SPOCK1: variants seen among roughly 807,000 people sequenced by gnomAD.
The protein encoded by SPOCK1 is testican-1.
SPOCK1 carries 23 observed loss-of-function variants against 55.3 expected under a neutral mutation model. The observed-to-expected ratio is 0.42, with a 90% CI of 0.30 to 0.59. The LOEUF (loss-of-function observed/expected upper bound fraction) is 0.59. Among genes scored for constraint, SPOCK1 ranks in the 20% least tolerant of loss-of-function variants. The pLI, the probability that SPOCK1 is intolerant of heterozygous loss-of-function variation, is 0.22. For synonymous variants in SPOCK1, 226 were observed against 221.0 expected, an observed-to-expected ratio of 1.02 and a Z score of -0.20; for missense variants, 499 against 552.5, an observed-to-expected ratio of 0.90 and a Z score of 0.97.
At chr5:137,223,856 G>A (rs1316307843) in intron 3 of SPOCK1, among the ~76,000 whole-genome samples, 2 of 152,016 alleles carry the variant, frequency 1.3e-5, no homozygotes, top group Non-Finnish European at 2.9e-5. Flanking sequence ...GGTCATTTGT[G>A]GGCATCAGTT....
At chr5:137,167,749 T>G (rs933877628) in intron 3 of SPOCK1, among the ~76,000 whole-genome samples, 3 of 152,036 alleles carry the variant, frequency 2.0e-5, no homozygotes, top group Admixed American at 6.6e-5. Context: ...AGAAGAAAAC[T>G]GAAAAATTTC....
intron 2 of SPOCK1, among the ~76,000 whole-genome samples, chr5:137,439,006 G>A (rs1248275274): frequency 6.6e-6 from 1 of 152,170 alleles, no homozygotes; most frequent in Non-Finnish European, 1.5e-5. Context: ...TCAGATGCTG[G>A]TTCTACCACC....
At chr5:137,171,140 A>G (rs11741605) in intron 3 of SPOCK1, among the ~76,000 whole-genome samples, 63,007 of 151,864 alleles carry the variant, frequency 0.41, 13,458 homozygotes, top group East Asian at 0.62. Context: ...AAGCATCCTC[A>G]ATGCACCCGA....
chr5:137,393,520 A>C (rs1346872729), intron 2 of SPOCK1, among the ~76,000 whole-genome samples: 1 of 152,230 alleles, frequency 6.6e-6, no homozygotes, highest in African/African-American at 2.4e-5. Flanking sequence ...TGTGTGTTTC[A>C]GTGGCTGGTC....
At position 137,119,934 on chromosome 5, in the gene SPOCK1, A is replaced by T. The variant is rs1286129772; in HGVS notation, c.348-7373T>A. On this transcript the variant is annotated intron_variant, in intron 4 of 10. Transcript: ENST00000394945. ...GATCTGTCCATCTCCTCCTCTCAAC[A>T]TTCCCAAGAGGAAGAAAAGTCAAGG... is the stretch of plus-strand genomic sequence containing the variant. 2.0e-5 allele frequency among the ~76,000 whole-genome samples: 3 copies of T among 152,112 alleles called. No homozygotes were observed. In the East Asian group the frequency reaches 5.8e-4, roughly 29 times the overall value.
chr5:137,333,667 G>A (rs752094015), intron 2 of SPOCK1, among the ~76,000 whole-genome samples: 1 of 152,196 alleles, frequency 6.6e-6, no homozygotes, highest in Non-Finnish European at 1.5e-5. Flanking sequence ...CTCAGGCACT[G>A]GTACTTGGCA....
intron 9 of SPOCK1, among the ~76,000 whole-genome samples, chr5:136,983,629 A>G (rs1750778452): frequency 6.6e-6 from 1 of 152,112 alleles, no homozygotes; most frequent in African/African-American, 2.4e-5. Context: ...CAAAAAAAAA[A>G]AAAAAATGGG....
intron 6 of SPOCK1, among the ~76,000 whole-genome samples, chr5:137,059,963 G>A (rs929359998): frequency 1.3e-5 from 2 of 152,170 alleles, no homozygotes; most frequent in Non-Finnish European, 2.9e-5. Context: ...TGCTGGCAAG[G>A]CTGCAGAGAA....
rs142771420 is a variant in SPOCK1, at chr5:137,267,354, AG to A, written c.187-300del. On this transcript the variant is annotated intron_variant, in intron 2 of 10. Transcript: ENST00000394945. ...TAAACCCAGACACCTTCTAGGTGCA[AG>A]GTGTATTTGCTATCAATTATACTGT... Among the ~76,000 whole-genome samples, 930 of 152,292 alleles carry A rather than the reference AG, an allele frequency of 6.1e-3. 6 individuals carry two copies. The highest frequency in any genetic ancestry group is 0.021 in the African/African-American group (891 of 41,560).
chr5:137,338,385 A>G (rs1185966044), intron 2 of SPOCK1, among the ~76,000 whole-genome samples: 2 of 152,042 alleles, frequency 1.3e-5, no homozygotes, highest in African/African-American at 2.4e-5. Context: ...TCCATGGTGT[A>G]TATGTGCCAC....
chr5:137,343,790 G>A (rs1459307379), intron 2 of SPOCK1, among the ~76,000 whole-genome samples: 1 of 152,212 alleles, frequency 6.6e-6, no homozygotes, highest in African/African-American at 2.4e-5. Flanking sequence ...GTTTCAGCAT[G>A]AGAATATCAG....
rs773868045 is a variant in SPOCK1 at position 137,267,004 on chromosome 5, C to T, written c.232+6G>A. The T allele has an allele frequency of 6.2e-7, 1 of 1,610,972 alleles. No homozygotes were observed. The highest frequency in any genetic ancestry group is 8.5e-7 in the Non-Finnish European group (1 of 1,177,440). ...ACTATACAGCAAGAAATATTGCATC[C>T]ATTACCTTGGTCAAAGGGCTTGTTG... On this transcript the variant is annotated splice_donor_region_variant and intron_variant, in intron 3 of 10. Transcript: ENST00000394945.
intron 6 of SPOCK1, among the ~76,000 whole-genome samples, chr5:137,013,263 T>G (rs1348239040): frequency 7.9e-6 from 1 of 126,768 alleles, no homozygotes; most frequent in Non-Finnish European, 1.8e-5. Flanking sequence ...AGAACTTGAA[T>G]GTATGTGGTA....
intron 2 of SPOCK1, among the ~76,000 whole-genome samples, chr5:137,449,396 T>C (rs1753201571): frequency 6.6e-6 from 1 of 152,212 alleles, no homozygotes; most frequent in African/African-American, 2.4e-5. Flanking sequence ...CCTCAGAAAG[T>C]AGTTTTAACA....
chr5:137,428,064 T>G (rs1752672296), intron 2 of SPOCK1, among the ~76,000 whole-genome samples: 1 of 152,190 alleles, frequency 6.6e-6, no homozygotes, highest in African/African-American at 2.4e-5. Flanking sequence ...TTTCCATTTC[T>G]GTCCACTTCA....
rs180850153 is a variant in SPOCK1 at position 137,324,493 on chromosome 5, G to A, written c.187-57438C>T. Among the ~76,000 whole-genome samples the A allele has an allele frequency of 3.8e-3, 575 of 152,206 alleles. 10 individuals are homozygous for A. Among genetic ancestry groups the A allele is most frequent in the Middle Eastern group, 0.014 (4 of 294 alleles). On this transcript the variant is annotated intron_variant, in intron 2 of 10. Transcript: ENST00000394945. ...TTACAAATGGATGAACCTGGAAGAC[G>A]TTGTGTTAAATAATACAAGCCAGTC...
chr5:137,261,656 C>T (rs1469296669), intron 3 of SPOCK1, among the ~76,000 whole-genome samples: 2 of 152,204 alleles, frequency 1.3e-5, no homozygotes, highest in Non-Finnish European at 1.5e-5. Context: ...GGTTTATCTA[C>T]AGCCAGTCTG....
intron 5 of SPOCK1, among the ~76,000 whole-genome samples, chr5:137,085,082 C>T (rs749726445): frequency 4.6e-5 from 7 of 151,510 alleles, no homozygotes; most frequent in African/African-American, 7.3e-5. Context: ...CAACTAAATA[C>T]GTGATTCTAA....
At chr5:137,110,298 T>TA (rs1198098189) in intron 5 of SPOCK1, among the ~76,000 whole-genome samples, 2 of 152,242 alleles carry the variant, frequency 1.3e-5, no homozygotes, top group African/African-American at 4.8e-5. Flanking sequence ...TAAACACTGA[T>TA]ATCCTTGCTA....
Sources: allele counts gnomAD v4.1 joint callset (sites outside exome capture counted in the v4.1 genomes callset), GRCh38; gene constraint gnomAD v4.1.1; transcripts MANE v1.5; gene names NCBI Gene and HGNC (gene_info 2026-07-23, HGNC 2026-07-21).